CNNM1: variants seen among roughly 807,000 people sequenced by gnomAD.
CNNM1 encodes metal transporter CNNM1.
Under a neutral mutation model 78.8 loss-of-function variants are expected in CNNM1, and 44 were observed. The observed-to-expected ratio is 0.56, with a 90% CI of 0.44 to 0.72. The LOEUF is 0.72. CNNM1 is among the 30% of genes least tolerant of loss of function. The probability of loss-of-function intolerance (pLI) is 0.00; values close to 1 mark genes in which losing one functional copy is unlikely to be tolerated. For missense variants in CNNM1, 1,101 were observed against 1,292.2 expected, an observed-to-expected ratio of 0.85 and a Z score of 2.27; for synonymous variants, 584 against 581.5, an observed-to-expected ratio of 1.00 and a Z score of -0.06.
chr10:99,333,879 G>T (rs770065482), intron 1 of CNNM1, among the ~76,000 whole-genome samples: 1 of 152,174 alleles, frequency 6.6e-6, no homozygotes, highest in East Asian at 1.9e-4. Context: ...AAACCTGGTC[G>T]AAAAAAGCTC....
intron 1 of CNNM1, among the ~76,000 whole-genome samples, chr10:99,343,643 C>G (rs2030551834): frequency 6.6e-6 from 1 of 152,308 alleles, no homozygotes; most frequent in African/African-American, 2.4e-5. Context: ...ATCCCAGCAC[C>G]TTCGTTGACT....
chr10:99,342,166 C>T (rs1210320859), intron 1 of CNNM1, among the ~76,000 whole-genome samples: 1 of 152,164 alleles, frequency 6.6e-6, no homozygotes, highest in South Asian at 2.1e-4. Flanking sequence ...TAGTATACTT[C>T]AATCAATACT....
rs4919307 is a variant in CNNM1, at chr10:99,389,502, T to C, written c.2675-804T>C. On this transcript the variant is annotated intron_variant, in intron 9 of 10. Transcript: ENST00000356713. The stretch of plus-strand genomic sequence containing the variant: ...TGACCCAGAAAATCTGGGACATACA[T>C]AGTCACTGTTCCAGGACCTGAATTT... Among the ~76,000 whole-genome samples the C allele has an allele frequency of 6.6e-3, 1,006 of 151,514 alleles. 4 individuals are homozygous for C. The highest frequency in any genetic ancestry group is 0.011 in the Non-Finnish European group (744 of 67,900).
At chr10:99,379,198 C>G (rs1189623881) in intron 7 of CNNM1, among the ~76,000 whole-genome samples, 2 of 152,178 alleles carry the variant, frequency 1.3e-5, no homozygotes, top group Non-Finnish European at 2.9e-5. Flanking sequence ...TTAATGGAGG[C>G]CTGCTCTGTT....
chr10:99,359,629 A>T (rs565174478), intron 2 of CNNM1, among the ~76,000 whole-genome samples: 108 of 152,296 alleles, frequency 7.1e-4, no homozygotes, highest in African/African-American at 2.5e-3. Context: ...TGACCCTTCT[A>T]GAAGGAAACC....
Position 99,330,239 on chromosome 10 carries a change from C to T in CNNM1, c.852C>T (p.Cys284=). 1 of 1,538,882 alleles carries T rather than the reference C, an allele frequency of 6.5e-7. No individual in the cohort carries two copies. The highest frequency in any genetic ancestry group is 1.2e-5 in the South Asian group (1 of 80,168). Residue 284 remains cysteine, a synonymous_variant, in exon 1 of 11, where the codon TGC becomes TGT. Transcript: ENST00000356713. ...AVRGRGTHLL[C]TLLLGQAGAN... ...GCGGCAGGGGGACCCATCTGCTCTGCACCCTACTCCTGGGCCAAGCCGGAG... is the reference window on the plus strand; with the variant it reads ...GCGGCAGGGGGACCCATCTGCTCTGTACCCTACTCCTGGGCCAAGCCGGAG...
chr10:99,344,475 A>G (rs1221447289), intron 1 of CNNM1, among the ~76,000 whole-genome samples: 2 of 152,158 alleles, frequency 1.3e-5, no homozygotes, highest in Non-Finnish European at 2.9e-5. Flanking sequence ...AATTAATTGT[A>G]TACAGTTAGT....
chr10:99,359,382 C>A (rs1049498605), intron 2 of CNNM1, among the ~76,000 whole-genome samples: 1 of 152,168 alleles, frequency 6.6e-6, no homozygotes, highest in African/African-American at 2.4e-5. Flanking sequence ...AGGTTAGGGT[C>A]TTTCTACCTA....
At chr10:99,347,599 A>ACACACACACACACACAC (rs1564942665) in intron 1 of CNNM1, among the ~76,000 whole-genome samples, 5 of 151,738 alleles carry the variant, frequency 3.3e-5, no homozygotes, top group South Asian at 2.1e-4. Context: ...ACACACACAC[A>ACACACACACACACACAC]AATGTTGCAA....
At chr10:99,378,818 C>T (rs2032054727) in intron 7 of CNNM1, among the ~76,000 whole-genome samples, 1 of 152,188 alleles carries the variant, frequency 6.6e-6, no homozygotes, top group Non-Finnish European at 1.5e-5. Context: ...GTCTTTCTGC[C>T]TCCAGAATCC....
chr10:99,379,455 G>C (rs1188319855), intron 7 of CNNM1, among the ~76,000 whole-genome samples: 1 of 152,164 alleles, frequency 6.6e-6, no homozygotes, highest in Non-Finnish European at 1.5e-5. Context: ...GACTTGAAAG[G>C]GGAGGGGGTG....
At chr10:99,382,179 A>G (rs2032182894) in intron 7 of CNNM1, among the ~76,000 whole-genome samples, 2 of 152,224 alleles carry the variant, frequency 1.3e-5, no homozygotes, top group South Asian at 4.1e-4. Flanking sequence ...GAGTAATTGA[A>G]CTTCAAGATA....
chr10:99,378,557 GA>G (rs1430577155), intron 7 of CNNM1, among the ~76,000 whole-genome samples: 1 of 152,200 alleles, frequency 6.6e-6, no homozygotes, highest in Admixed American at 6.5e-5. Flanking sequence ...AAGTAACCTT[GA>G]AAAGTAACCA....
chr10:99,378,752 T>C (rs746537512), intron 7 of CNNM1, among the ~76,000 whole-genome samples: 2 of 152,196 alleles, frequency 1.3e-5, no homozygotes, highest in African/African-American at 2.4e-5. Flanking sequence ...GAGTTCAGGT[T>C]TGAGGAGTAT....
At chr10:99,330,998 C>T (rs2029890402) in intron 1 of CNNM1, 38 bp downstream of exon 1, 1 of 1,558,220 alleles carries the variant, frequency 6.4e-7, no homozygotes, top group Non-Finnish European at 8.7e-7. Context: ...ACTCCTATCC[C>T]CTTCAAAGGT....
chr10:99,377,141 C>G lies in CNNM1; in HGVS notation c.2263C>G (p.Gln755Glu). 8.7e-6 allele frequency: 14 copies of G among 1,612,866 alleles called. No homozygotes were observed. Among genetic ancestry groups the G allele is most frequent in the Non-Finnish European group, 1.2e-5 (14 of 1,179,510 alleles). Residue 755 changes from glutamine to glutamate, a missense_variant, in exon 7 of 11, where the codon CAG (glutamine) becomes GAG (glutamate). This residue lies in a region of CNNM1 where 348 missense variants were observed against 384.5 expected (regional missense o/e 0.90). Coordinates refer to ENST00000356713, the MANE Select transcript of CNNM1 (RefSeq NM_020348.3). ...CAGTGACTTTGGGGGCAGCAACACC[C>G]AGCTGTACAGCAGCAGCAACAACCT... ...ERSDFGGSNT[Q>E]LYSSSNNLYM...
chr10:99,379,463 G>A (rs2032072934), intron 7 of CNNM1, among the ~76,000 whole-genome samples: 1 of 152,126 alleles, frequency 6.6e-6, no homozygotes. Context: ...AGGGGAGGGG[G>A]TGAATGTTCA....
At chr10:99,379,286 G>C (rs1026974280) in intron 7 of CNNM1, among the ~76,000 whole-genome samples, 2 of 152,208 alleles carry the variant, frequency 1.3e-5, no homozygotes, top group Admixed American at 1.3e-4. Flanking sequence ...GAGGGAGAAA[G>C]ACAACAACCA....
intron 1 of CNNM1, among the ~76,000 whole-genome samples, chr10:99,334,911 G>A (rs549554162): frequency 7.9e-5 from 12 of 152,292 alleles, no homozygotes; most frequent in African/African-American, 2.4e-4. Flanking sequence ...TTTTACAGAT[G>A]AAGAAACTAA....
Sources: allele counts gnomAD v4.1 joint callset (sites outside exome capture counted in the v4.1 genomes callset), GRCh38; gene constraint gnomAD v4.1.1; regional missense constraint gnomAD v4.1.1; transcripts MANE v1.5; gene names NCBI Gene and HGNC (gene_info 2026-07-23, HGNC 2026-07-21).